SYNM: variants seen among roughly 807,000 people sequenced by gnomAD.
SYNM encodes the protein synemin.
SYNM carries 95 observed loss-of-function variants against 104.0 expected under a neutral mutation model. The ratio of observed to expected loss-of-function variants is 0.91; its 90% CI spans 0.77 to 1.08. SYNM has a LOEUF of 1.08. SYNM is among the 50% of genes least tolerant of loss of function. SYNM has a pLI of 0.00. For synonymous variants in SYNM, 918 were observed against 869.0 expected, an observed-to-expected ratio of 1.06 and a Z score of -0.99; for missense variants, 2,150 against 2,052.2, an observed-to-expected ratio of 1.05 and a Z score of -0.92.
intron 2 of SYNM, among the ~76,000 whole-genome samples, chr15:99,120,937 G>A (rs960975445): frequency 4.6e-5 from 7 of 152,122 alleles, no homozygotes; most frequent in Admixed American, 3.9e-4. Context: ...GGGTAGTGTC[G>A]ATGGTTCACT....
At chr15:99,138,854 C>T (rs954738133), downstream of SYNM, among the ~76,000 whole-genome samples, 11 of 152,226 alleles carry the variant, frequency 7.2e-5, no homozygotes, top group South Asian at 8.3e-4. Flanking sequence ...TCTCTGCGGA[C>T]CAGGCTCTGT....
Position 99,133,196 on chromosome 15 carries a change from G to A in SYNM, c.*138G>A. On this transcript the variant is annotated 3_prime_UTR_variant, in exon 4 of 4. Transcript: ENST00000336292. ...TTTTTTAAAGAGTACTCCCGGCATG[G>A]TCAATTTCCTTTATAGTTAATCCGT... 1 of 1,449,938 alleles carries A rather than the reference G, an allele frequency of 6.9e-7. No individual in the cohort carries two copies. The highest frequency in any genetic ancestry group is 1.4e-5 in the African/African-American group (1 of 69,994). The allele number at this position is 1,449,938 out of a possible 1,614,324, so 89.8% of individuals were successfully genotyped here. A position where few individuals can be genotyped will look rare whatever the true frequency, so the allele number is the denominator to read the frequency against.
Position 99,131,470 on chromosome 15 carries a change from A to C in SYNM, c.3110A>C (p.Glu1037Ala), listed in dbSNP as rs782245687. 2 of 1,606,496 alleles carry C rather than the reference A, an allele frequency of 1.2e-6. No homozygotes were observed. Among genetic ancestry groups the C allele is most frequent in the South Asian group, 1.1e-5 (1 of 90,736 alleles). ...AAGGCTGTGGAGTCGGTGGTTCGGG[A>C]GAGCCTGAGCAGGCAACGCAGCCCA... ...MEKAVESVVR[E>A]SLSRQRSPAP... is the part of the protein sequence containing the mutation. Residue 1037 changes from glutamate to alanine, a missense_variant, in exon 4 of 4, where the codon GAG (glutamate) becomes GCG (alanine). Coordinates refer to ENST00000336292, the MANE Select transcript of SYNM (RefSeq NM_145728.3). The surrounding 1 kb of genome is among the most constrained non-coding windows in gnomAD (Gnocchi z 4.3).
downstream of SYNM, chr15:99,139,844 T>C: frequency 1.0e-6 from 1 of 969,238 alleles, no homozygotes; most frequent in Non-Finnish European, 1.4e-6. Flanking sequence ...CACAGCAATG[T>C]CTTAGTTATT....
chr15:99,115,551 G>A (rs981249621), intron 2 of SYNM, among the ~76,000 whole-genome samples: 6 of 144,996 alleles, frequency 4.1e-5, no homozygotes, highest in Admixed American at 2.9e-4. Context: ...TGCAACCTCC[G>A]CCTCCTGGGT....
At chr15:99,107,631 T>C (rs1211404031) in intron 1 of SYNM, among the ~76,000 whole-genome samples, 3 of 152,176 alleles carry the variant, frequency 2.0e-5, no homozygotes, top group African/African-American at 7.2e-5. Context: ...GGCAAAGCCC[T>C]TTTCCCCACT....
intron 1 of SYNM, among the ~76,000 whole-genome samples, chr15:99,106,696 T>C (rs1356919918): frequency 2.0e-5 from 3 of 152,232 alleles, no homozygotes; most frequent in Non-Finnish European, 2.9e-5. Context: ...TGCAGAGTGA[T>C]ATAAACAGTT....
Position 99,105,462 on chromosome 15 carries a change from T to C in SYNM, c.263T>C (p.Leu88Pro). ...TALAEGERDA[L>P]RRELRELQRL... ...CTGGCGGAGGGCGAGCGGGACGCTC[T>C]GCGGCGCGAGCTGCGGGAGCTGCAG... is the stretch of plus-strand genomic sequence containing the variant. Residue 88 changes from leucine (L) to proline (P), a missense_variant, in exon 1 of 4, where the codon CTG becomes CCG. Transcript: ENST00000336292. 1 of 1,400,842 alleles carries C rather than the reference T, an allele frequency of 7.1e-7. No homozygotes were observed. The highest frequency in any genetic ancestry group is 1.5e-5 in the African/African-American group (1 of 66,328). 86.8% of individuals were successfully genotyped at this position (1,400,842 alleles called of 1,614,324 possible).
In SYNM at chr15:99,132,758, GAGT is replaced by G. The variant is rs2077539224; in HGVS notation, c.4400_4402del (p.Ser1467del). 1.2e-6 allele frequency: 2 copies of G among 1,613,950 alleles called. No individual in the cohort carries two copies. Among genetic ancestry groups the G allele is most frequent in the Non-Finnish European group, 8.5e-7 (1 of 1,179,890 alleles). ...CTTCGTTTACCTTTCAGATGGATGT[GAGT>G]AACGTAGAGGCGATCCGCAGCCGGA... On this transcript the variant is annotated inframe_deletion, in exon 4 of 4. Transcript: ENST00000336292.
downstream of SYNM, chr15:99,138,164 C>T (rs147534055): frequency 2.5e-6 from 4 of 1,607,348 alleles, no homozygotes; most frequent in African/African-American, 1.3e-5. Flanking sequence ...GTGTGGTGCC[C>T]CTCAGCCCCC....
At chr15:99,122,533 A>G (rs1251773021) in intron 2 of SYNM, among the ~76,000 whole-genome samples, 1 of 152,176 alleles carries the variant, frequency 6.6e-6, no homozygotes, top group Non-Finnish European at 1.5e-5. Context: ...GTGAATAAAA[A>G]TCTTGTAGTT....
Position 99,129,466 on chromosome 15 carries a change from A to G in SYNM, c.1106A>G (p.Asn369Ser), listed in dbSNP as rs782392945. The change falls in exon 4 of 4, where the codon AAT becomes AGT. Residue 369 changes from asparagine to serine, a missense_variant. By Grantham distance (46) the Asn-to-Ser change is conservative (BLOSUM62 1). Coordinates refer to ENST00000336292, the MANE Select transcript of SYNM (RefSeq NM_145728.3). The stretch of plus-strand genomic sequence containing the variant: ...CAGAAAGCACCTTTGGCAAGTTTCA[A>G]TCACAGCTCGGCACTGTATTCTAAC... Reference protein sequence around the residue: ...SRQKAPLASFNHSSALYSNLS... With the variant: ...SRQKAPLASFSHSSALYSNLS... The G allele has an allele frequency of 5.8e-5, 94 of 1,614,054 alleles. No individual in the cohort carries two copies. Among genetic ancestry groups the G allele is most frequent in the Middle Eastern group, 1.6e-4 (1 of 6,062 alleles).
In SYNM at chr15:99,131,995, C is replaced by T; in HGVS notation, c.3635C>T (p.Ala1212Val). 1.2e-6 allele frequency: 2 copies of T among 1,613,990 alleles called. No homozygotes were observed. The highest frequency in any genetic ancestry group is 1.7e-6 in the Non-Finnish European group (2 of 1,179,904). Residue 1212 changes from alanine (A) to valine (V), a missense_variant, in exon 4 of 4, where the codon GCA (alanine) becomes GTA (valine). Physicochemically the swap from Ala to Val is moderately conservative, Grantham distance 64 (BLOSUM62 0). Transcript: ENST00000336292. This position sits in a 1 kb window ranked among gnomAD's most constrained non-coding sequence, Gnocchi z 4.3. Reference protein sequence around the residue: ...SPEPGPAESSADMDGSGRHST... With the variant: ...SPEPGPAESSVDMDGSGRHST... Reference sequence around the variant, plus strand: ...GAACCTGGCCCAGCAGAGTCTTCTGCAGATATGGACGGATCAGGGAGGCAC... The same window carrying T: ...GAACCTGGCCCAGCAGAGTCTTCTGTAGATATGGACGGATCAGGGAGGCAC...
chr15:99,106,989 A>G (rs1555482892), intron 1 of SYNM, among the ~76,000 whole-genome samples: 4 of 152,258 alleles, frequency 2.6e-5, no homozygotes, highest in Admixed American at 2.6e-4. Context: ...GGGTTGTCAT[A>G]TGGAATGACT....
At chr15:99,123,258 T>G (rs1315643747) in intron 2 of SYNM, among the ~76,000 whole-genome samples, 2 of 151,846 alleles carry the variant, frequency 1.3e-5, no homozygotes, top group Non-Finnish European at 2.9e-5. Flanking sequence ...CTGCGCTTGC[T>G]TCCTCTCTGT....
At chr15:99,137,373 C>T (rs118118840), downstream of SYNM, 2,754 of 152,366 alleles carry the variant, frequency 0.018, 77 homozygotes, top group Non-Finnish European at 0.021. Context: ...CCGCAGCCTC[C>T]GGCTAGCCTT....
Position 99,132,994 on chromosome 15 carries a change from AAAAG to A in SYNM, c.4639_4642del (p.Lys1547LeufsTer6). 1 of 1,613,912 alleles carries A rather than the reference AAAAG, an allele frequency of 6.2e-7. No individual in the cohort carries two copies. The highest frequency in any genetic ancestry group is 1.1e-5 in the South Asian group (1 of 91,066). On this transcript the variant is annotated frameshift_variant, in exon 4 of 4. Transcript: ENST00000336292. LOFTEE classifies it high-confidence loss of function. ...GACCAAAGGTCGGTGATTTCAGATG[AAAAG>A]AAAGTTGCCCTCCTCTATCTAGACA... is the stretch of plus-strand genomic sequence containing the variant.
At chr15:99,136,030 A>G (rs1304177455), downstream of SYNM, among the ~76,000 whole-genome samples, 1 of 152,234 alleles carries the variant, frequency 6.6e-6, no homozygotes, top group Admixed American at 6.5e-5. Flanking sequence ...ACCCTAAGGC[A>G]TGGCCATTTC....
chr15:99,120,215 G>A (rs920866288), intron 2 of SYNM, among the ~76,000 whole-genome samples: 18 of 152,322 alleles, frequency 1.2e-4, no homozygotes, highest in Non-Finnish European at 2.5e-4. Context: ...GAAAGGAGCT[G>A]GATGTACTGG....
Sources: gnomAD v4.1 joint callset for allele counts (sites outside exome capture counted in the v4.1 genomes callset) on GRCh38, gnomAD v4.1.1 for gene constraint, Gnocchi (gnomAD v3.1) non-coding constraint, MANE v1.5 for transcripts, NCBI Gene and HGNC (gene_info 2026-07-23, HGNC 2026-07-21) for gene names.